PRICKLE1: variants seen among roughly 807,000 people sequenced by gnomAD.
The protein encoded by PRICKLE1 is prickle-like protein 1.
Under a neutral mutation model 70.2 loss-of-function variants are expected in PRICKLE1, and 14 were observed. The ratio of observed to expected loss-of-function variants is 0.20; its 90% CI spans 0.13 to 0.31. The LOEUF is 0.31. Ranked by LOEUF, PRICKLE1 falls within the 10% of genes least tolerant of loss-of-function variation. The probability of loss-of-function intolerance (pLI) is 1.00; values close to 1 mark genes in which losing one functional copy is unlikely to be tolerated. For synonymous variants in PRICKLE1, 357 were observed against 379.9 expected (o/e 0.94, Z 0.70); for missense variants, 821 against 1,026.2 (o/e 0.80, Z 2.73).
chr12:42,495,804 G>T (rs1383443682), intron 1 of PRICKLE1, among the ~76,000 whole-genome samples: 1 of 152,062 alleles, frequency 6.6e-6, no homozygotes, highest in Non-Finnish European at 1.5e-5. Context: ...TGTTGCTCAG[G>T]CTGGTCGCAA....
intron 1 of PRICKLE1, among the ~76,000 whole-genome samples, chr12:42,537,532 T>C (rs954423354): frequency 1.3e-5 from 2 of 152,130 alleles, no homozygotes; most frequent in Admixed American, 6.6e-5. Flanking sequence ...CGCAGTAATA[T>C]TGACCATATC....
intron 1 of PRICKLE1, 109 bp from the exon 2 acceptor site, chr12:42,472,673 G>GA: frequency 2.2e-6 from 2 of 915,714 alleles, no homozygotes; most frequent in Non-Finnish European, 3.3e-6. Flanking sequence ...TGGGCCCAGA[G>GA]AAAGTAACCA....
intron 1 of PRICKLE1, among the ~76,000 whole-genome samples, chr12:42,529,740 C>CA (rs1466823478): frequency 6.6e-6 from 1 of 151,942 alleles, no homozygotes; most frequent in Non-Finnish European, 1.5e-5. Flanking sequence ...ACTAAAAATA[C>CA]AAAAAATTAG....
chr12:42,501,848 T>G (rs936004587), intron 1 of PRICKLE1, among the ~76,000 whole-genome samples: 5 of 152,178 alleles, frequency 3.3e-5, no homozygotes, highest in Admixed American at 6.5e-5. Flanking sequence ...ACAAATTTAA[T>G]TAATAGTGGA....
At chr12:42,536,656 T>C (rs540432074) in intron 1 of PRICKLE1, among the ~76,000 whole-genome samples, 40 of 152,316 alleles carry the variant, frequency 2.6e-4, no homozygotes, top group African/African-American at 8.7e-4. Context: ...CCTGAACTTA[T>C]GTGTAGAAGT....
At chr12:42,497,562 A>AC (rs1939229251) in intron 1 of PRICKLE1, among the ~76,000 whole-genome samples, 1 of 151,796 alleles carries the variant, frequency 6.6e-6, no homozygotes, top group Admixed American at 6.6e-5. Flanking sequence ...AAAAAAAAAA[A>AC]AAAATTCGAT....
intron 1 of PRICKLE1, among the ~76,000 whole-genome samples, chr12:42,509,209 G>T (rs1051229319): frequency 3.9e-5 from 6 of 152,196 alleles, no homozygotes; most frequent in African/African-American, 1.4e-4. Context: ...AAATGCAAGT[G>T]CTAAGGCATT....
rs550752320 is a variant in PRICKLE1 at position 42,464,392 on chromosome 12, T to C, written c.1639+3A>G. 260 of 1,614,202 alleles carry C rather than the reference T, an allele frequency of 1.6e-4. 1 individual carries two copies. The South Asian group carries it at 2.7e-3, about 16-fold the overall frequency. ...AATACCCCATAATCCCTAGATTACGTACCTGTGATATTGGACAATGCCAAA... is the reference window on the plus strand; with the variant it reads ...AATACCCCATAATCCCTAGATTACGCACCTGTGATATTGGACAATGCCAAA... On this transcript the variant is annotated splice_donor_region_variant and intron_variant, in intron 7 of 7. Transcript: ENST00000345127. This position sits in a 1 kb window ranked among gnomAD's most constrained non-coding sequence, Gnocchi z 4.2.
At chr12:42,473,254 T>C (rs1938394007) in intron 1 of PRICKLE1, among the ~76,000 whole-genome samples, 1 of 152,262 alleles carries the variant, frequency 6.6e-6, no homozygotes. Flanking sequence ...AGTCACTGAA[T>C]ACAGTACTAT....
intron 1 of PRICKLE1, among the ~76,000 whole-genome samples, chr12:42,473,058 A>G (rs1011038028): frequency 6.6e-6 from 1 of 152,180 alleles, no homozygotes; most frequent in Non-Finnish European, 1.5e-5. Flanking sequence ...GCCTCCTGAG[A>G]GTGGGTCCAC....
chr12:42,514,321 T>C (rs1281029646), intron 1 of PRICKLE1, among the ~76,000 whole-genome samples: 1 of 152,216 alleles, frequency 6.6e-6, no homozygotes, highest in African/African-American at 2.4e-5. Context: ...TTCCTCTGTG[T>C]ATGCTTGTGT....
At chr12:42,509,234 G>T (rs999075936) in intron 1 of PRICKLE1, among the ~76,000 whole-genome samples, 9 of 152,280 alleles carry the variant, frequency 5.9e-5, no homozygotes, top group Non-Finnish European at 1.0e-4. Flanking sequence ...CTAAATTCTC[G>T]ATCTCATCTG....
rs1296194430 is a variant in PRICKLE1 at position 42,510,072 on chromosome 12, CA to C, written c.-48-37509del. On this transcript the variant is annotated intron_variant, in intron 1 of 7. Coordinates refer to ENST00000345127, the MANE Select transcript of PRICKLE1 (RefSeq NM_153026.3). Reference sequence around the variant, plus strand: ...TGGGTGACAGAGCGAGACTCTGTCTCAAAAAAAAAAAAGATTATTAAGACAA... The same window carrying C: ...TGGGTGACAGAGCGAGACTCTGTCTCAAAAAAAAAAAGATTATTAAGACAA... 4.0e-3 allele frequency among the ~76,000 whole-genome samples: 515 copies of C among 128,296 alleles called. 3 individuals are homozygous for C. Among genetic ancestry groups the C allele is most frequent in the African/African-American group, 0.011 (380 of 35,936 alleles). The allele number at this position is 128,296 out of a possible 152,430, so 84.2% of individuals were successfully genotyped here.
chr12:42,538,006 A>C (rs542486413), intron 1 of PRICKLE1, among the ~76,000 whole-genome samples: 60 of 152,322 alleles, frequency 3.9e-4, no homozygotes, highest in Middle Eastern at 3.4e-3. Flanking sequence ...GAGAAGTATT[A>C]AATCTCTTGA....
At chr12:42,540,639 T>C (rs1940095493) in intron 1 of PRICKLE1, among the ~76,000 whole-genome samples, 1 of 152,168 alleles carries the variant, frequency 6.6e-6, no homozygotes, top group African/African-American at 2.4e-5. Flanking sequence ...CTTGGCTCGC[T>C]GTAACCTCCG....
chr12:42,545,586 C>T (rs1398729253), intron 1 of PRICKLE1, among the ~76,000 whole-genome samples: 2 of 152,170 alleles, frequency 1.3e-5, no homozygotes, highest in African/African-American at 2.4e-5. Context: ...CGGTGGCTCA[C>T]GCCTGTAATC....
chr12:42,585,275 A>C (rs1487589100), intron 1 of PRICKLE1, among the ~76,000 whole-genome samples: 1 of 152,190 alleles, frequency 6.6e-6, no homozygotes, highest in Non-Finnish European at 1.5e-5. Flanking sequence ...TGACATTTTT[A>C]CTTTTATTTT....
chr12:42,471,943 G>A (rs1289632210), intron 2 of PRICKLE1, among the ~76,000 whole-genome samples: 2 of 152,170 alleles, frequency 1.3e-5, no homozygotes, highest in East Asian at 3.8e-4. Context: ...CACTTCAGAG[G>A]GTTTCTGATA....
intron 1 of PRICKLE1, chr12:42,584,522 C>T (rs1940954831): frequency 6.6e-6 from 1 of 151,698 alleles, no homozygotes; most frequent in African/African-American, 2.4e-5. Flanking sequence ...TAAGTGGTGG[C>T]TACTTTATAT....
Sources: allele counts gnomAD v4.1 joint callset (sites outside exome capture counted in the v4.1 genomes callset), GRCh38; gene constraint gnomAD v4.1.1; non-coding constraint Gnocchi (gnomAD v3.1); transcripts MANE v1.5; gene names NCBI Gene and HGNC (gene_info 2026-07-23, HGNC 2026-07-21).